The following EHF variants were observed in gnomAD, a reference collection of about 807,000 sequenced individuals.
EHF encodes ETS homologous factor, also known as ESE3 transcription factor.
In EHF, 14 loss-of-function variants were observed where a neutral mutation model predicts 45.1. That is an observed-to-expected ratio of 0.31 (90% CI 0.21 to 0.49). EHF has a LOEUF of 0.49. Among genes scored for constraint, EHF ranks in the 20% least tolerant of loss-of-function variants. The pLI is 0.99. For missense variants in EHF, 282 were observed against 371.4 expected, an observed-to-expected ratio of 0.76 and a Z score of 1.98; for synonymous variants, 136 against 131.8, an observed-to-expected ratio of 1.03 and a Z score of -0.22.
intron 1 of EHF, among the ~76,000 whole-genome samples, chr11:34,629,588 G>A (rs1186038993): frequency 4.6e-5 from 7 of 152,214 alleles, no homozygotes; most frequent in Non-Finnish European, 1.0e-4. Flanking sequence ...ATGAAGTTCT[G>A]TTGGTGTTTT....
chr11:34,651,878 T>C, intron 6 of EHF, 73 bp downstream of exon 6: 1 of 1,397,046 alleles, frequency 7.2e-7, no homozygotes, highest in South Asian at 1.3e-5. Context: ...ACCAACACTC[T>C]ACATTTCTGC....
chr11:34,646,377 T>G, intron 2 of EHF, 62 bp from the exon 3 acceptor site: 1 of 1,602,896 alleles, frequency 6.2e-7, no homozygotes, highest in East Asian at 2.2e-5. Flanking sequence ...TACATCCCTG[T>G]GTCAGATACT....
chr11:34,621,423 C>T (rs1381686400), intron 1 of EHF, among the ~76,000 whole-genome samples, 195 bp downstream of exon 1: 1 of 151,616 alleles, frequency 6.6e-6, no homozygotes, highest in East Asian at 2.0e-4. Context: ...AGGTTGGCTA[C>T]TTTGGATATT....
At chr11:34,635,957 C>T (rs1003766082) in intron 1 of EHF, among the ~76,000 whole-genome samples, 9 of 152,026 alleles carry the variant, frequency 5.9e-5, no homozygotes, top group African/African-American at 1.2e-4. Flanking sequence ...CATAATGGTA[C>T]GTCTACACAG....
chr11:34,647,427 T>A (rs1854672726), intron 3 of EHF, among the ~76,000 whole-genome samples: 1 of 152,306 alleles, frequency 6.6e-6, no homozygotes, highest in African/African-American at 2.4e-5. Flanking sequence ...ACATATCCTA[T>A]ACTGACATGT....
At chr11:34,623,199 A>G (rs1406759627) in intron 1 of EHF, among the ~76,000 whole-genome samples, 2 of 151,844 alleles carry the variant, frequency 1.3e-5, no homozygotes, top group East Asian at 1.9e-4. Flanking sequence ...GATTCTCCCA[A>G]CTCAGCCCCC....
intron 2 of EHF, among the ~76,000 whole-genome samples, chr11:34,643,712 T>A (rs1854247080): frequency 6.6e-6 from 1 of 152,198 alleles, no homozygotes; most frequent in Admixed American, 6.5e-5. Context: ...CCCCCCAAAC[T>A]GCTGCACTTT....
At chr11:34,636,238 T>A (rs1053446775) in intron 1 of EHF, among the ~76,000 whole-genome samples, 10 of 152,272 alleles carry the variant, frequency 6.6e-5, no homozygotes, top group African/African-American at 2.4e-4. Context: ...CATTGTTGTC[T>A]TTCGACAACA....
At chr11:34,657,702 A>T (rs1452025823) in intron 7 of EHF, among the ~76,000 whole-genome samples, 2 of 151,800 alleles carry the variant, frequency 1.3e-5, no homozygotes, top group African/African-American at 4.8e-5. Flanking sequence ...AGGCAGGAGG[A>T]TTGCTTGAGC....
intron 1 of EHF, among the ~76,000 whole-genome samples, chr11:34,636,111 G>A (rs1853376774): frequency 6.6e-6 from 1 of 152,120 alleles, no homozygotes; most frequent in African/African-American, 2.4e-5. Flanking sequence ...TTTCCTCCTT[G>A]AGAGTTCAAT....
chr11:34,648,700 T>C (rs1764888990), intron 3 of EHF, among the ~76,000 whole-genome samples: 1 of 152,220 alleles, frequency 6.6e-6, no homozygotes, highest in Admixed American at 6.5e-5. Context: ...AAAGGTAAAG[T>C]GCACACACCT....
chr11:34,622,729 C>T (rs1350848833), intron 1 of EHF, among the ~76,000 whole-genome samples: 1 of 152,152 alleles, frequency 6.6e-6, no homozygotes, highest in Admixed American at 6.5e-5. Context: ...ATGTAGACAA[C>T]ACCATTTTCA....
In EHF at chr11:34,660,336, A is replaced by T. The variant is rs1428119515; in HGVS notation, c.*1405A>T. On this transcript the variant is annotated 3_prime_UTR_variant, in exon 9 of 9. Transcript: ENST00000257831. Reference sequence around the variant, plus strand: ...AGGGAAAATCCTCTTTGCAGGTATTAATTCTTATAATTTTTTGTCTTTTGG... The same window carrying T: ...AGGGAAAATCCTCTTTGCAGGTATTTATTCTTATAATTTTTTGTCTTTTGG... 6.6e-6 allele frequency: 1 copy of T among 152,156 alleles called. No individual in the cohort carries two copies. Among genetic ancestry groups the T allele is most frequent in the Non-Finnish European group, 1.5e-5 (1 of 68,024 alleles). 9.4% of individuals were successfully genotyped at this position (152,156 alleles called of 1,614,324 possible). A position where few individuals can be genotyped will look rare whatever the true frequency, so the allele number is the denominator to read the frequency against.
chr11:34,651,566 A>G lies in EHF; in HGVS notation c.431A>G (p.Lys144Arg), dbSNP rs748724278. 1 of 1,613,968 alleles carries G rather than the reference A, an allele frequency of 6.2e-7. No homozygotes were observed. Among genetic ancestry groups the G allele is most frequent in the South Asian group, 1.1e-5 (1 of 91,068 alleles). ...GAGCCTTCCATCATGAACACCTGGA[A>G]AGACGAGAACTATTTATATGACACC... ...QTEPSIMNTW[K>R]DENYLYDTNY... The change falls in exon 5 of 9, where the codon AAA becomes AGA. Residue 144 changes from lysine (K) to arginine (R), a missense_variant. Coordinates refer to ENST00000257831, the MANE Select transcript of EHF (RefSeq NM_012153.6).
Position 34,659,090 on chromosome 11 carries a change from C to T in EHF, c.*159C>T, listed in dbSNP as rs371798380. ...TAACGGGAAGAAGAAACACTACGGT[C>T]GATTAAAAAAATTATTTTGTTACTT... On this transcript the variant is annotated 3_prime_UTR_variant, in exon 9 of 9. Coordinates refer to ENST00000257831, the MANE Select transcript of EHF (RefSeq NM_012153.6). 41 of 556,070 alleles carry T rather than the reference C, an allele frequency of 7.4e-5. No individual in the cohort carries two copies. The highest frequency in any genetic ancestry group is 2.5e-4 in the African/African-American group (13 of 51,902). The allele number at this position is 556,070 out of a possible 1,614,324, so 34.4% of individuals were successfully genotyped here. A position where few individuals can be genotyped will look rare whatever the true frequency, so the allele number is the denominator to read the frequency against.
intron 1 of EHF, among the ~76,000 whole-genome samples, chr11:34,634,802 A>C (rs1853231817): frequency 6.6e-6 from 1 of 152,224 alleles, no homozygotes; most frequent in Non-Finnish European, 1.5e-5. Flanking sequence ...GGTGTAAGGC[A>C]GCAGACGGCA....
chr11:34,649,782 A>G (rs1262495099), intron 4 of EHF, among the ~76,000 whole-genome samples: 1 of 152,106 alleles, frequency 6.6e-6, no homozygotes, highest in Non-Finnish European at 1.5e-5. Flanking sequence ...GTCACTCCCC[A>G]TGTTCATGCC....
rs75156053 is a variant in EHF at position 34,656,809 on chromosome 11, T to C, written c.545-99T>C. On this transcript the variant is annotated intron_variant, in intron 6 of 8. Coordinates refer to ENST00000257831, the MANE Select transcript of EHF (RefSeq NM_012153.6). ...ATACTCAAAGGTGCCAGGCATGCAG[T>C]AGGTGCTCAGTAAATATTGTTTAAA... The C allele has an allele frequency of 4.6e-3, 6,249 of 1,348,204 alleles. 206 individuals are homozygous for C. The African/African-American group carries it at 0.08, about 17-fold the overall frequency. 83.5% of individuals were successfully genotyped at this position (1,348,204 alleles called of 1,614,324 possible).
rs1388155175 is a variant in EHF at position 34,646,657 on chromosome 11, A to G, written c.316A>G (p.Ser106Gly). 1.2e-6 allele frequency: 2 copies of G among 1,612,208 alleles called. No individual in the cohort carries two copies. Among genetic ancestry groups the G allele is most frequent in the South Asian group, 2.2e-5 (2 of 91,084 alleles). The change falls in exon 3 of 9, where the codon AGC becomes GGC. Residue 106 changes from serine to glycine, a missense_variant. Ser to Gly is a moderately conservative substitution (Grantham distance 56, BLOSUM62 0). Around this residue, in one of 3 missense-constraint regions of EHF, gnomAD observed 213 missense variants for 247.3 expected, o/e 0.86. Coordinates refer to ENST00000257831, the MANE Select transcript of EHF (RefSeq NM_012153.6). ...AGGGACGGCGGGGCAGCTCCTCTAC[A>G]GCAACTTGCAGCATCTGAAGTGGAA... ...AAGTAGQLLY[S>G]NLQHLKWNGQ...
Sources: gnomAD v4.1 joint callset for allele counts (sites outside exome capture counted in the v4.1 genomes callset) on GRCh38, gnomAD v4.1.1 for gene constraint, gnomAD v4.1.1 regional missense constraint, MANE v1.5 for transcripts, NCBI Gene and HGNC (gene_info 2026-07-23, HGNC 2026-07-21) for gene names.